The following ITIH1 variants were observed in gnomAD, a reference collection of about 807,000 sequenced individuals.
ITIH1 encodes the protein inter-alpha-trypsin inhibitor heavy chain H1.
ITIH1 carries 94 observed loss-of-function variants against 104.6 expected under a neutral mutation model. The observed-to-expected ratio is 0.90, with a 90% confidence interval of 0.76 to 1.07. The LOEUF is 1.07. ITIH1 is among the 50% of genes least tolerant of loss of function. The pLI is 0.00. For synonymous variants in ITIH1, 455 were observed against 464.4 expected, an observed-to-expected ratio of 0.98 and a Z score of 0.26; for missense variants, 1,193 against 1,181.4, an observed-to-expected ratio of 1.01 and a Z score of -0.14.
chr3:52,787,333 C>T lies in ITIH1; in HGVS notation c.1903+131C>T, dbSNP rs1020208835. On this transcript the variant is annotated intron_variant, in intron 15 of 21. Coordinates refer to ENST00000273283, the MANE Select transcript of ITIH1 (RefSeq NM_002215.4). ...CTCCACTCCTTCCCGTTCTTCCGTCCCCTGAGCCGCCCTTCTCCACATCAC... is the reference window on the plus strand; with the variant it reads ...CTCCACTCCTTCCCGTTCTTCCGTCTCCTGAGCCGCCCTTCTCCACATCAC... 2.1e-4 allele frequency: 278 copies of T among 1,302,908 alleles called. 2 individuals are homozygous for T. Among genetic ancestry groups the T allele is most frequent in the Non-Finnish European group, 3.8e-5 (34 of 901,006 alleles). The allele number at this position is 1,302,908 out of a possible 1,614,324, so 80.7% of individuals were successfully genotyped here.
At chr3:52,788,147 T>A in intron 17 of ITIH1, 81 bp downstream of exon 17, 1 of 1,520,140 alleles carries the variant, frequency 6.6e-7, no homozygotes, top group African/African-American at 1.4e-5. Context: ...TGTCTCTCTC[T>A]GGGACCTGCC....
rs769433976 is a variant in ITIH1 at position 52,783,002 on chromosome 3, G to T, written c.976G>T (p.Asp326Tyr). ...AATTCTGGGGGACATGCAGCCAGGG[G>T]ACTACTTTGACCTGGTTCTTTTTGG... The part of the protein sequence containing the change: ...LKILGDMQPG[D>Y]YFDLVLFGTR... Residue 326 changes from aspartate to tyrosine, a missense_variant, in exon 9 of 22, where the codon GAC becomes TAC. By Grantham distance (160) the Asp-to-Tyr change is radical. Coordinates refer to ENST00000273283, the MANE Select transcript of ITIH1 (RefSeq NM_002215.4). The T allele has an allele frequency of 3.1e-6, 5 of 1,614,110 alleles. No homozygotes were observed. In the Admixed American group the frequency reaches 8.3e-5, roughly 27 times the overall value.
chr3:52,788,373 A>G (rs1322949562), intron 18 of ITIH1, 28 bp downstream of exon 18: 1 of 1,417,384 alleles, frequency 7.1e-7, no homozygotes, highest in Middle Eastern at 2.0e-4. Context: ...CCTCTGCCAG[A>G]CAGGGCCAGG....
Position 52,784,448 on chromosome 3 carries a change from G to A in ITIH1, c.1378G>A (p.Glu460Lys), listed in dbSNP as rs1454833049. 3.1e-6 allele frequency: 5 copies of A among 1,614,056 alleles called. No individual in the cohort carries two copies. The highest frequency in any genetic ancestry group is 4.2e-6 in the Non-Finnish European group (5 of 1,179,974). Residue 460 changes from glutamate (E) to lysine (K), a missense_variant, in exon 11 of 22, where the codon GAG (glutamate) becomes AAG (lysine). Transcript: ENST00000273283. ...ENNGRAQRIY[E>K]DHDATQQLQG... ...CAACGGACGGGCCCAGAGAATCTAC[G>A]AGGACCATGATGCCACCCAGCAGCT...
intron 1 of ITIH1, 44 bp downstream of exon 1, chr3:52,777,776 G>A (rs1456161407): frequency 4.0e-6 from 6 of 1,515,528 alleles, no homozygotes; most frequent in Non-Finnish European, 4.5e-6. Context: ...AGCTGAACCT[G>A]GATGAGGCCC....
At position 52,779,047 on chromosome 3, in the gene ITIH1, G is replaced by A. The variant is rs1170312264; in HGVS notation, c.410+1G>A. 4 of 1,603,870 alleles carry A rather than the reference G, an allele frequency of 2.5e-6. No homozygotes were observed. In the East Asian group the frequency reaches 8.9e-5, roughly 36 times the overall value. ...CAGGAGAGAATGCCGGCCTTGTCAG[G>A]TGAGTTCTGGGCCTGCTGGTCTCAT... On this transcript the variant is annotated splice_donor_variant, in intron 4 of 21. Transcript: ENST00000273283. LOFTEE classifies it high-confidence loss of function. This position sits in a 1 kb window ranked among gnomAD's most constrained non-coding sequence, Gnocchi z 4.4.
intron 9 of ITIH1, 29 bp from the exon 10 acceptor site, chr3:52,783,185 T>C (rs749948123): frequency 6.2e-7 from 1 of 1,614,090 alleles, no homozygotes; most frequent in African/African-American, 1.3e-5. Context: ...AATGAGGGCA[T>C]ACACTGGTCT....
intron 6 of ITIH1, among the ~76,000 whole-genome samples, chr3:52,780,693 C>A (rs36012032): frequency 0.063 from 9,535 of 152,310 alleles, 409 homozygotes; most frequent in Non-Finnish European, 0.09. Context: ...GCCCGCCTCA[C>A]GCCCATGGGA....
intron 12 of ITIH1, 66 bp from the exon 13 acceptor site, chr3:52,786,229 C>T: frequency 1.3e-6 from 2 of 1,517,890 alleles, no homozygotes; most frequent in Non-Finnish European, 1.8e-6. Flanking sequence ...CCCTCAGAGC[C>T]CCTAGCACCA....
rs1042069231 is a variant in ITIH1, at chr3:52,788,246, C to T, written c.2020C>T (p.His674Tyr). Reference sequence around the variant, plus strand: ...TGTGCCCCCAGTGGACACAGACCCTCACTTCATCATCCACGTGCCCCAGAA... The same window carrying T: ...TGTGCCCCCAGTGGACACAGACCCTTACTTCATCATCCACGTGCCCCAGAA... ...DRVTGVDTDP[H>Y]FIIHVPQKED... Residue 674 changes from histidine (H) to tyrosine (Y), a missense_variant, in exon 18 of 22, where the codon CAC (histidine) becomes TAC (tyrosine). Physicochemically the swap from His to Tyr is moderately conservative, Grantham distance 83. Coordinates refer to ENST00000273283, the MANE Select transcript of ITIH1 (RefSeq NM_002215.4). 2.5e-6 allele frequency: 4 copies of T among 1,610,648 alleles called. No individual in the cohort carries two copies. The highest frequency in any genetic ancestry group is 3.4e-6 in the Non-Finnish European group (4 of 1,178,252).
rs761174542 is a variant in ITIH1 at position 52,779,625 on chromosome 3, G to A, written c.573+31G>A. The A allele has an allele frequency of 2.5e-5, 40 of 1,612,522 alleles. No individual in the cohort carries two copies. Among genetic ancestry groups the A allele is most frequent in the Non-Finnish European group, 3.3e-5 (39 of 1,178,774 alleles). ...TCACAGGTCCCGGGGCAGGGGTCCTGCCCCTCTCTCCGTCACCATGGCTCC... is the reference window on the plus strand; with the variant it reads ...TCACAGGTCCCGGGGCAGGGGTCCTACCCCTCTCTCCGTCACCATGGCTCC... On this transcript the variant is annotated intron_variant, in intron 5 of 21. Transcript: ENST00000273283. This position sits in a 1 kb window ranked among gnomAD's most constrained non-coding sequence, Gnocchi z 4.4.
intron 16 of ITIH1, 107 bp downstream of exon 16, chr3:52,787,719 T>TCA: frequency 7.6e-7 from 1 of 1,321,856 alleles, no homozygotes; most frequent in South Asian, 1.2e-5. Context: ...TCACTGGGAA[T>TCA]CTTTAGAACA....
intron 16 of ITIH1, 31 bp from the exon 17 acceptor site, chr3:52,787,955 C>A: frequency 1.9e-6 from 3 of 1,595,166 alleles, no homozygotes; most frequent in South Asian, 1.1e-5. Flanking sequence ...CTGGCTGCCC[C>A]GCTTCTAAAT....
Position 52,791,882 on chromosome 3 carries a change from A to T in ITIH1, c.2707A>T (p.Thr903Ser). 6.2e-7 allele frequency: 1 copy of T among 1,613,970 alleles called. No individual in the cohort carries two copies. Among genetic ancestry groups the T allele is most frequent in the Non-Finnish European group, 8.5e-7 (1 of 1,179,926 alleles). Residue 903 changes from threonine (T) to serine (S), a missense_variant, in exon 22 of 22, where the codon ACT becomes TCT. By Grantham distance (58) the Thr-to-Ser change is moderately conservative. Transcript: ENST00000273283. ...NGAGLIDGAY[T>S]DYIVPDIF is the part of the protein sequence containing the mutation. ...GGCTGGACTCATCGATGGTGCCTAC[A>T]CTGATTATATCGTCCCCGACATCTT... is the stretch of plus-strand genomic sequence containing the variant.
chr3:52,789,755 AC>A lies in ITIH1; in HGVS notation c.2223del (p.Gln743SerfsTer4), dbSNP rs1238575152. ...CTGGGAATCGCAAACCCTGCCACGG[AC>A]TTTCAGTTGGAAGTGACTCCTCAGA... ...GRLGIANPAT[D>X]FQLEVTPQNI... On this transcript the variant is annotated frameshift_variant, in exon 19 of 22. Transcript: ENST00000273283. LOFTEE classifies it high-confidence loss of function. The A allele has an allele frequency of 6.2e-7, 1 of 1,614,096 alleles. No homozygotes were observed. The highest frequency in any genetic ancestry group is 8.5e-7 in the Non-Finnish European group (1 of 1,180,050).
At chr3:52,790,620 G>T in intron 19 of ITIH1, 129 bp from the exon 20 acceptor site, 1 of 891,810 alleles carries the variant, frequency 1.1e-6, no homozygotes. Context: ...GTAACAGCCG[G>T]CCATCTGGGG....
intron 10 of ITIH1, among the ~76,000 whole-genome samples, chr3:52,783,644 C>A (rs549121448): frequency 6.6e-6 from 1 of 152,240 alleles, no homozygotes; most frequent in East Asian, 1.9e-4. Context: ...TTATTTATCA[C>A]CTACTGTATG....
chr3:52,777,651 G>T lies in ITIH1; in HGVS notation c.36G>T (p.Leu12Phe). 1 of 1,603,106 alleles carries T rather than the reference G, an allele frequency of 6.2e-7. No homozygotes were observed. Residue 12 changes from leucine (L) to phenylalanine (F), a missense_variant, in exon 1 of 22, where the codon TTG becomes TTT. Physicochemically the swap from Leu to Phe is conservative, Grantham distance 22 (BLOSUM62 0). Coordinates refer to ENST00000273283, the MANE Select transcript of ITIH1 (RefSeq NM_002215.4). ...DGAMGPRGLL[L>F]CMYLVSLLIL... Reference sequence around the variant, plus strand: ...CCATGGGGCCTCGGGGGCTGCTGTTGTGCATGTACCTGGTATCTCTCCTCA... The same window carrying T: ...CCATGGGGCCTCGGGGGCTGCTGTTTTGCATGTACCTGGTATCTCTCCTCA...
rs757431575 is a variant in ITIH1 at position 52,784,303 on chromosome 3, G to A, written c.1233G>A (p.Thr411=). Residue 411 remains threonine (T), a synonymous_variant, in exon 11 of 22, where the codon ACG becomes ACA. Coordinates refer to ENST00000273283, the MANE Select transcript of ITIH1 (RefSeq NM_002215.4). ...CAGGTGTGTGGCTTGCAGGGGTGACGGACCGTTCCCAAATCCTCAAGAACG... is the reference window on the plus strand; with the variant it reads ...CAGGTGTGTGGCTTGCAGGGGTGACAGACCGTTCCCAAATCCTCAAGAACG... ...LTDGDPTEGV[T]DRSQILKNVR... 43 of 1,612,930 alleles carry A rather than the reference G, an allele frequency of 2.7e-5. No individual in the cohort carries two copies. The highest frequency in any genetic ancestry group is 2.3e-4 in the South Asian group (21 of 90,872).
Sources: allele counts gnomAD v4.1 joint callset (sites outside exome capture counted in the v4.1 genomes callset), GRCh38; gene constraint gnomAD v4.1.1; non-coding constraint Gnocchi (gnomAD v3.1); transcripts MANE v1.5; gene names NCBI Gene and HGNC (gene_info 2026-07-23, HGNC 2026-07-21).